NEURL1: variants seen among roughly 807,000 people sequenced by gnomAD.
The protein encoded by NEURL1 is E3 ubiquitin-protein ligase NEURL1.
In NEURL1, 26 loss-of-function variants were observed where a neutral mutation model predicts 41.2. That is an observed-to-expected ratio of 0.63 (90% confidence interval 0.46 to 0.87). The LOEUF (loss-of-function observed/expected upper bound fraction) is 0.87. Ranked by LOEUF, NEURL1 falls within the 40% of genes least tolerant of loss-of-function variation. NEURL1 has a pLI of 0.00. For missense variants in NEURL1, 761 were observed against 871.1 expected (o/e 0.87, Z 1.59); for synonymous variants, 400 against 402.3 (o/e 0.99, Z 0.07).
chr10:103,582,542 G>A (rs542776800), intron 3 of NEURL1, among the ~76,000 whole-genome samples: 62 of 152,346 alleles, frequency 4.1e-4, no homozygotes, highest in African/African-American at 1.4e-3. Flanking sequence ...TTGGGGGGAA[G>A]GGCCCACACC....
At chr10:103,515,146 T>A (rs2034170617) in intron 1 of NEURL1, among the ~76,000 whole-genome samples, 1 of 146,408 alleles carries the variant, frequency 6.8e-6, no homozygotes, top group African/African-American at 2.6e-5. Context: ...GAGAATCGCT[T>A]GAGCCTGGGA....
chr10:103,556,141 G>T lies in NEURL1; in HGVS notation c.86-14731G>T, dbSNP rs1184911322. Among the ~76,000 whole-genome samples, 1 of 152,236 alleles carries T rather than the reference G, an allele frequency of 6.6e-6. No homozygotes were observed. Among genetic ancestry groups the T allele is most frequent in the Non-Finnish European group, 1.5e-5 (1 of 68,038 alleles). On this transcript the variant is annotated intron_variant, in intron 1 of 5. Transcript: ENST00000369780. This position sits in a 1 kb window ranked among gnomAD's most constrained non-coding sequence, Gnocchi z 4.4. The stretch of plus-strand genomic sequence containing the variant: ...CCACAGTCAGACAGACCCACAGCCT[G>T]GAGCTGGAGGGGTTAAAGAGAGGGG...
intron 1 of NEURL1, among the ~76,000 whole-genome samples, chr10:103,538,996 G>A (rs956859903): frequency 1.3e-5 from 2 of 149,810 alleles, no homozygotes; most frequent in East Asian, 3.9e-4. Flanking sequence ...ACCCAGGCTG[G>A]AGTGCAGTGG....
At chr10:103,571,322 C>T (rs940314203) in intron 2 of NEURL1, among the ~76,000 whole-genome samples, 179 bp from the exon 3 acceptor site, 1 of 152,186 alleles carries the variant, frequency 6.6e-6, no homozygotes, top group African/African-American at 2.4e-5. Context: ...ACCGGGAGGG[C>T]GGTGGCCGTG....
Position 103,591,385 on chromosome 10 carries a change from T to G in NEURL1, c.*1013T>G, listed in dbSNP as rs2036042546. 6.6e-6 allele frequency: 1 copy of G among 152,332 alleles called. No homozygotes were observed. The highest frequency in any genetic ancestry group is 1.5e-5 in the Non-Finnish European group (1 of 68,120). 9.4% of individuals were successfully genotyped at this position (152,332 alleles called of 1,614,324 possible). ...CCTGGGCCAAGACCAGCCTTTTTCCTCAGTTTAATTAATTTATTTATTTGG... is the reference window on the plus strand; with the variant it reads ...CCTGGGCCAAGACCAGCCTTTTTCCGCAGTTTAATTAATTTATTTATTTGG... On this transcript the variant is annotated 3_prime_UTR_variant, in exon 6 of 6. Coordinates refer to ENST00000369780, the MANE Select transcript of NEURL1 (RefSeq NM_004210.5).
chr10:103,573,355 G>A (rs554466468), intron 3 of NEURL1, among the ~76,000 whole-genome samples: 2 of 152,256 alleles, frequency 1.3e-5, no homozygotes, highest in South Asian at 2.1e-4. Flanking sequence ...TACAGAGACC[G>A]GCAGATCCTA....
chr10:103,583,720 A>AAG (rs1418732507), intron 3 of NEURL1, among the ~76,000 whole-genome samples: 3 of 143,376 alleles, frequency 2.1e-5, no homozygotes, highest in Non-Finnish European at 4.5e-5. Context: ...AAAAAAAAAA[A>AAG]AAAAAAAAAA....
chr10:103,590,691 T>A lies in NEURL1; in HGVS notation c.*319T>A. 2.7e-6 allele frequency: 1 copy of A among 370,798 alleles called. No individual in the cohort carries two copies. The highest frequency in any genetic ancestry group is 5.0e-6 in the Non-Finnish European group (1 of 199,978). 23.0% of individuals were successfully genotyped at this position (370,798 alleles called of 1,614,324 possible). On this transcript the variant is annotated 3_prime_UTR_variant, in exon 6 of 6. Coordinates refer to ENST00000369780, the MANE Select transcript of NEURL1 (RefSeq NM_004210.5). Reference sequence around the variant, plus strand: ...CAGCCTGCCCTAATCTTTCCCCATCTGAGGCAGGTTTCTAGGAGGTGTCTG... The same window carrying A: ...CAGCCTGCCCTAATCTTTCCCCATCAGAGGCAGGTTTCTAGGAGGTGTCTG...
At chr10:103,585,763 G>A (rs552004829) in intron 4 of NEURL1, among the ~76,000 whole-genome samples, 54 of 151,732 alleles carry the variant, frequency 3.6e-4, no homozygotes, top group Non-Finnish European at 4.4e-5. Flanking sequence ...AGCCCAGGAG[G>A]CGGAGCTTGC....
rs539263179 is a variant in NEURL1 at position 103,558,668 on chromosome 10, C to T, written c.86-12204C>T. Among the ~76,000 whole-genome samples the T allele has an allele frequency of 5.3e-5, 8 of 152,226 alleles. No homozygotes were observed. The highest frequency in any genetic ancestry group is 4.2e-4 in the South Asian group (2 of 4,818). On this transcript the variant is annotated intron_variant, in intron 1 of 5. Transcript: ENST00000369780. The surrounding 1 kb of genome is among the most constrained non-coding windows in gnomAD (Gnocchi z 4.2). Reference sequence around the variant, plus strand: ...GGTTACACGCTTGATCTCTTCCATTCGGTAGGTTTCCAGAGCTGCTCCTGG... The same window carrying T: ...GGTTACACGCTTGATCTCTTCCATTTGGTAGGTTTCCAGAGCTGCTCCTGG...
Position 103,590,656 on chromosome 10 carries a change from A to G in NEURL1, c.*284A>G, listed in dbSNP as rs2036022056. The G allele has an allele frequency of 2.1e-6, 1 of 469,502 alleles. No individual in the cohort carries two copies. The highest frequency in any genetic ancestry group is 2.5e-5 in the South Asian group (1 of 39,378). 29.1% of individuals were successfully genotyped at this position (469,502 alleles called of 1,614,324 possible). Reference sequence around the variant, plus strand: ...CTCCTCTCTGCATGCTGAGGGCTAAATTGGGATCTCAGCCTGCCCTAATCT... The same window carrying G: ...CTCCTCTCTGCATGCTGAGGGCTAAGTTGGGATCTCAGCCTGCCCTAATCT... On this transcript the variant is annotated 3_prime_UTR_variant, in exon 6 of 6. Coordinates refer to ENST00000369780, the MANE Select transcript of NEURL1 (RefSeq NM_004210.5).
intron 4 of NEURL1, among the ~76,000 whole-genome samples, chr10:103,588,442 G>C (rs1359257065): frequency 6.6e-6 from 1 of 152,168 alleles, no homozygotes; most frequent in African/African-American, 2.4e-5. Flanking sequence ...GTACTTGAGG[G>C]AGTAATGTGG....
intron 1 of NEURL1, among the ~76,000 whole-genome samples, chr10:103,514,422 C>A (rs2034149973): frequency 6.6e-6 from 1 of 152,166 alleles, no homozygotes; most frequent in Admixed American, 6.5e-5. Flanking sequence ...GCCCAGGCTC[C>A]TTTCCTTGTC....
At position 103,570,957 on chromosome 10, in the gene NEURL1, G is replaced by C; in HGVS notation, c.171G>C (p.Gly57=). 6.2e-7 allele frequency: 1 copy of C among 1,613,890 alleles called. No individual in the cohort carries two copies. The highest frequency in any genetic ancestry group is 1.7e-5 in the Admixed American group (1 of 60,030). ...GTCCGGCAGTGCTGCCCAGCGGGGG[G>C]CTCCCAGCCACGCCGCTGCTCTTCC... ...KHCPAVLPSG[G]LPATPLLFHP... Residue 57 remains glycine, a synonymous_variant, in exon 2 of 6, where the codon GGG becomes GGC. Transcript: ENST00000369780.
At chr10:103,500,789 A>G (rs570791376) in intron 1 of NEURL1, among the ~76,000 whole-genome samples, 22 of 152,224 alleles carry the variant, frequency 1.4e-4, no homozygotes, top group Non-Finnish European at 2.1e-4. Context: ...CATGTATACC[A>G]TGCAGGTTCC....
chr10:103,536,632 C>G (rs936869533), intron 1 of NEURL1, among the ~76,000 whole-genome samples: 1 of 152,134 alleles, frequency 6.6e-6, no homozygotes, highest in Non-Finnish European at 1.5e-5. Flanking sequence ...GGGAGGAGCA[C>G]TAGCGGGTTC....
intron 1 of NEURL1, among the ~76,000 whole-genome samples, chr10:103,557,676 G>A (rs530299414): frequency 1.9e-4 from 29 of 152,302 alleles, no homozygotes; most frequent in African/African-American, 6.7e-4. Flanking sequence ...CCTTGCATAT[G>A]CGTCCTCATG....
intron 1 of NEURL1, among the ~76,000 whole-genome samples, chr10:103,523,796 T>A (rs894509865): frequency 6.6e-6 from 1 of 152,250 alleles, no homozygotes; most frequent in Non-Finnish European, 1.5e-5. Context: ...AATGGCTAAA[T>A]AGTATTCCAT....
At chr10:103,506,811 C>T (rs773505720) in intron 1 of NEURL1, among the ~76,000 whole-genome samples, 25 of 152,214 alleles carry the variant, frequency 1.6e-4, no homozygotes, top group Non-Finnish European at 2.8e-4. Context: ...CTGCCTGCCT[C>T]GGCCTCCCAA....
Sources: gnomAD v4.1 joint callset for allele counts (sites outside exome capture counted in the v4.1 genomes callset) on GRCh38, gnomAD v4.1.1 for gene constraint, Gnocchi (gnomAD v3.1) non-coding constraint, MANE v1.5 for transcripts, NCBI Gene and HGNC (gene_info 2026-07-23, HGNC 2026-07-21) for gene names.